Variants in KLF12 observed in about 807,000 individuals in gnomAD.
KLF12 encodes the protein Krueppel-like factor 12.
KLF12 carries 9 observed loss-of-function variants against 37.8 expected under a neutral mutation model. The ratio of observed to expected loss-of-function variants is 0.24; its 90% confidence interval spans 0.14 to 0.42. KLF12 has a LOEUF of 0.42. Ranked by LOEUF, KLF12 falls within the 10% of genes least tolerant of loss-of-function variation. KLF12 has a pLI of 1.00. For synonymous variants in KLF12, 208 were observed against 202.1 expected (o/e 1.03, Z -0.25); for missense variants, 411 against 516.0 (o/e 0.80, Z 1.97).
At chr13:73,738,576 T>A (rs1877704998) in intron 6 of KLF12, among the ~76,000 whole-genome samples, 1 of 152,202 alleles carries the variant, frequency 6.6e-6, no homozygotes, top group Non-Finnish European at 1.5e-5. Context: ...ATATGTATTA[T>A]GTTTGGGGAA....
the KLF12 span, among the ~76,000 whole-genome samples, chr13:74,268,707 A>G: frequency 0.033 from 4,987 of 152,270 alleles, 120 homozygotes; most frequent in Middle Eastern, 0.071. Context: ...AGAAAATTTT[A>G]TGCTTTTCAG....
the KLF12 span, among the ~76,000 whole-genome samples, chr13:74,274,321 T>C: frequency 6.6e-6 from 1 of 152,166 alleles, no homozygotes; most frequent in Non-Finnish European, 1.5e-5. Flanking sequence ...TACGTCTTCT[T>C]TCTCTGTCCT....
At chr13:74,215,664 G>T in the KLF12 span, among the ~76,000 whole-genome samples, 1 of 152,014 alleles carries the variant, frequency 6.6e-6, no homozygotes, top group Non-Finnish European at 1.5e-5. Flanking sequence ...TGCAGAACTC[G>T]TACCCTCTTC....
chr13:73,992,463 GTTTGTT>G (rs377551462), intron 2 of KLF12, among the ~76,000 whole-genome samples: 44 of 152,282 alleles, frequency 2.9e-4, no homozygotes, highest in African/African-American at 9.4e-4. Context: ...TTTGTTTTTT[GTTTGTT>G]TTTGTTTTTG....
intron 6 of KLF12, among the ~76,000 whole-genome samples, chr13:73,722,578 A>G (rs1876348165): frequency 6.6e-6 from 1 of 152,222 alleles, no homozygotes; most frequent in Admixed American, 6.5e-5. Context: ...GTAGCATTTC[A>G]CAGAAAACTA....
rs150033935 is a variant in KLF12 at position 74,061,804 on chromosome 13, G to C, written c.-31-66751C>G. ...ATACGTAAAGTATTGTAGAAATCAA[G>C]GTCACACATGATTTTTATACCTTGA... On this transcript the variant is annotated intron_variant, in intron 1 of 7. Coordinates refer to ENST00000377669, the MANE Select transcript of KLF12 (RefSeq NM_007249.5). Among the ~76,000 whole-genome samples, 506 of 152,204 alleles carry C rather than the reference G, an allele frequency of 3.3e-3. 2 individuals carry two copies. Among genetic ancestry groups the C allele is most frequent in the African/African-American group, 0.011 (468 of 41,550 alleles).
intron 6 of KLF12, among the ~76,000 whole-genome samples, chr13:73,752,743 T>G (rs941562061): frequency 1.3e-5 from 1 of 74,146 alleles, no homozygotes; most frequent in Non-Finnish European, 2.9e-5. Flanking sequence ...TTTTTTTTTT[T>G]GACACAGAGT....
chr13:74,268,239 G>T, the KLF12 span, among the ~76,000 whole-genome samples: 1 of 152,140 alleles, frequency 6.6e-6, no homozygotes, highest in South Asian at 2.1e-4. Flanking sequence ...TCCATTTTTA[G>T]CTAAGGAGCT....
chr13:73,876,263 G>C (rs914675169), intron 3 of KLF12, among the ~76,000 whole-genome samples: 1 of 152,152 alleles, frequency 6.6e-6, no homozygotes, highest in African/African-American at 2.4e-5. Flanking sequence ...GTTCCTTGTG[G>C]CTGTAGGACA....
the KLF12 span, among the ~76,000 whole-genome samples, chr13:74,164,589 T>G: frequency 4.9e-4 from 75 of 152,222 alleles, no homozygotes; most frequent in Non-Finnish European, 1.1e-3. Flanking sequence ...TCTTTTGAAG[T>G]GTAAAAGACT....
chr13:74,021,229 T>C (rs549991452), intron 1 of KLF12, among the ~76,000 whole-genome samples: 18 of 152,272 alleles, frequency 1.2e-4, no homozygotes, highest in African/African-American at 4.1e-4. Flanking sequence ...TTCATAAAAT[T>C]GCTACTCACA....
chr13:73,983,318 C>T (rs1243713155), intron 2 of KLF12, among the ~76,000 whole-genome samples: 1 of 152,218 alleles, frequency 6.6e-6, no homozygotes, highest in Non-Finnish European at 1.5e-5. Flanking sequence ...TATGCCACCA[C>T]CTTTCTTGGT....
At chr13:73,819,214 G>A (rs73533804) in intron 4 of KLF12, among the ~76,000 whole-genome samples, 1,853 of 152,194 alleles carry the variant, frequency 0.012, 27 homozygotes, top group African/African-American at 0.041. Context: ...ATTTTGCACC[G>A]GGAATCTTCA....
At chr13:73,918,419 G>T (rs1318449049) in intron 3 of KLF12, among the ~76,000 whole-genome samples, 2 of 152,054 alleles carry the variant, frequency 1.3e-5, no homozygotes, top group Non-Finnish European at 2.9e-5. Context: ...CAATCCTCCA[G>T]TCCATGATGT....
the KLF12 span, among the ~76,000 whole-genome samples, chr13:74,263,797 C>A: frequency 6.6e-6 from 1 of 152,178 alleles, no homozygotes; most frequent in Non-Finnish European, 1.5e-5. Flanking sequence ...GGTCATATGA[C>A]CCTATACTCA....
chr13:73,752,029 T>C (rs1189165430), intron 6 of KLF12, among the ~76,000 whole-genome samples: 2 of 152,194 alleles, frequency 1.3e-5, no homozygotes, highest in Non-Finnish European at 2.9e-5. Flanking sequence ...AGACAGAGTG[T>C]CACTCTGTTG....
chr13:74,188,731 C>T, the KLF12 span, among the ~76,000 whole-genome samples: 1 of 152,148 alleles, frequency 6.6e-6, no homozygotes. Context: ...CGTGGTGGCT[C>T]ACACCTGTAA....
chr13:74,082,664 G>A (rs1874984557), intron 1 of KLF12, among the ~76,000 whole-genome samples: 1 of 152,066 alleles, frequency 6.6e-6, no homozygotes, highest in African/African-American at 2.4e-5. Flanking sequence ...TGTATAAGAT[G>A]AGTATCTAGT....
At chr13:74,260,209 G>A in the KLF12 span, among the ~76,000 whole-genome samples, 1 of 151,982 alleles carries the variant, frequency 6.6e-6, no homozygotes, top group African/African-American at 2.4e-5. Context: ...GAGGTTACTT[G>A]GACCATTGGA....
Sources: allele counts gnomAD v4.1 joint callset (sites outside exome capture counted in the v4.1 genomes callset), GRCh38; gene constraint gnomAD v4.1.1; transcripts MANE v1.5; gene names NCBI Gene and HGNC (gene_info 2026-07-23, HGNC 2026-07-21).